The following GVQW3 variants were observed in gnomAD, a reference collection of about 807,000 sequenced individuals.
GVQW3 encodes the protein protein GVQW3.
In GVQW3, 7 loss-of-function variants were observed where a neutral mutation model predicts 12.5. That is an observed-to-expected ratio of 0.56 (90% CI 0.32 to 1.05). The LOEUF is 1.05. Among genes scored for constraint, GVQW3 ranks in the 50% least tolerant of loss-of-function variants. GVQW3 has a pLI of 0.04. For synonymous variants in GVQW3, 71 were observed against 67.2 expected, an observed-to-expected ratio of 1.06 and a Z score of -0.28; for missense variants, 188 against 190.8, an observed-to-expected ratio of 0.99 and a Z score of 0.09.
intron 1 of GVQW3, among the ~76,000 whole-genome samples, chr11:76,398,457 G>C (rs577816668): frequency 6.6e-6 from 1 of 152,068 alleles, no homozygotes; most frequent in Non-Finnish European, 1.5e-5. Context: ...GACTACAGGT[G>C]CATGCCACCA....
Position 76,382,197 on chromosome 11 carries a change from G to A in GVQW3, c.369G>A (p.Ser123=). Residue 123 remains serine, a synonymous_variant, in exon 1 of 2, where the codon TCG becomes TCA. Transcript: ENST00000529331. ...NMRKISAKVI[S]GVLKGEPKPR... ...GGAAGATTTCTGCAAAAGTTATTTCGGGTGTTTTGAAGGGTGAGCCTAAAC... is the reference window on the plus strand; with the variant it reads ...GGAAGATTTCTGCAAAAGTTATTTCAGGTGTTTTGAAGGGTGAGCCTAAAC... 1 of 1,536,104 alleles carries A rather than the reference G, an allele frequency of 6.5e-7. No homozygotes were observed. The highest frequency in any genetic ancestry group is 2.0e-5 in the Admixed American group (1 of 51,000).
At chr11:76,399,040 C>T (rs1946964181) in intron 1 of GVQW3, among the ~76,000 whole-genome samples, 1 of 152,146 alleles carries the variant, frequency 6.6e-6, no homozygotes, top group Non-Finnish European at 1.5e-5. Flanking sequence ...TCACTGCAGA[C>T]TTTTATATTT....
intron 1 of GVQW3, among the ~76,000 whole-genome samples, chr11:76,400,027 A>ACACACACACG (rs1479860119): frequency 1.3e-5 from 2 of 150,750 alleles, no homozygotes; most frequent in Non-Finnish European, 3.0e-5. Context: ...ACACACACAC[A>ACACACACACG]CACACACACA....
In GVQW3 at chr11:76,382,273, A is replaced by G; in HGVS notation, c.445A>G (p.Ser149Gly). Residue 149 changes from serine (S) to glycine (G), a missense_variant, in exon 1 of 2, where the codon AGC (serine) becomes GGC (glycine). Ser to Gly is a moderately conservative substitution (Grantham distance 56). Transcript: ENST00000529331. ...TCTTTCAAAGGAAACTAGGAAAAAT[A>G]GCTCATGTTTGAGGAAAAAGGTAAC... ...SDLSKETRKN[S>G]SCLRKKRRNL... 6.5e-7 allele frequency: 1 copy of G among 1,529,618 alleles called. No individual in the cohort carries two copies. Among genetic ancestry groups the G allele is most frequent in the East Asian group, 2.4e-5 (1 of 40,888 alleles). The allele number at this position is 1,529,618 out of a possible 1,614,324, so 94.8% of individuals were successfully genotyped here. A position where few individuals can be genotyped will look rare whatever the true frequency, so the allele number is the denominator to read the frequency against.
At chr11:76,388,471 T>C (rs1946858790) in intron 1 of GVQW3, among the ~76,000 whole-genome samples, 1 of 152,106 alleles carries the variant, frequency 6.6e-6, no homozygotes, top group Admixed American at 6.6e-5. Context: ...ATTACAAAAT[T>C]GTCTGATCCA....
At chr11:76,408,875 G>A (rs1011541739), downstream of GVQW3, among the ~76,000 whole-genome samples, 13 of 152,146 alleles carry the variant, frequency 8.5e-5, no homozygotes, top group Admixed American at 3.3e-4. Context: ...TGATTTGTAC[G>A]GGAGAAATTC....
intron 1 of GVQW3, among the ~76,000 whole-genome samples, chr11:76,394,253 G>A (rs527612159): frequency 6.6e-6 from 1 of 152,218 alleles, no homozygotes; most frequent in Non-Finnish European, 1.5e-5. Context: ...TCACCCTGCT[G>A]TGCTATCAAA....
At chr11:76,393,124 A>G (rs1946908268) in intron 1 of GVQW3, among the ~76,000 whole-genome samples, 1 of 152,270 alleles carries the variant, frequency 6.6e-6, no homozygotes, top group Non-Finnish European at 1.5e-5. Context: ...CAAGAAGCCC[A>G]AGGAAAAGGG....
intron 1 of GVQW3, among the ~76,000 whole-genome samples, chr11:76,395,709 A>G (rs752531599): frequency 1.3e-5 from 2 of 152,184 alleles, no homozygotes; most frequent in African/African-American, 4.8e-5. Context: ...GATATCTTCC[A>G]TGTCTCTACT....
chr11:76,382,322 TC>T, intron 1 of GVQW3, 29 bp downstream of exon 1: 2 of 1,385,866 alleles, frequency 1.4e-6, no homozygotes, highest in Non-Finnish European at 2.0e-6. Context: ...TGGAGTTATC[TC>T]CAGGGTGAAG....
At chr11:76,401,979 T>C (rs1307251856) in intron 1 of GVQW3, among the ~76,000 whole-genome samples, 1 of 152,128 alleles carries the variant, frequency 6.6e-6, no homozygotes. Context: ...AACGCCAGGA[T>C]ACAGCTTTTC....
In GVQW3 at chr11:76,381,650, A is replaced by C; in HGVS notation, c.-179A>C. 1.7e-6 allele frequency: 1 copy of C among 598,010 alleles called. No individual in the cohort carries two copies. Among genetic ancestry groups the C allele is most frequent in the Non-Finnish European group, 2.8e-6 (1 of 353,292 alleles). The allele number at this position is 598,010 out of a possible 1,614,324, so 37.0% of individuals were successfully genotyped here. ...TTGGCTTCCCAGAACGGATCTCCCC[A>C]GCCTCGACTGGAAGCTGAGGGACAA... On this transcript the variant is annotated 5_prime_UTR_variant, in exon 1 of 2. Transcript: ENST00000529331.
At chr11:76,393,458 C>T (rs1946911404) in intron 1 of GVQW3, among the ~76,000 whole-genome samples, 1 of 152,186 alleles carries the variant, frequency 6.6e-6, no homozygotes, top group African/African-American at 2.4e-5. Context: ...TGAAGACCAT[C>T]CCCTACACTG....
chr11:76,407,327 C>T lies in GVQW3; in HGVS notation c.*3569C>T, dbSNP rs987784677. 2.6e-5 allele frequency: 4 copies of T among 152,082 alleles called. No individual in the cohort carries two copies. The highest frequency in any genetic ancestry group is 6.6e-5 in the Admixed American group (1 of 15,264). The allele number at this position is 152,082 out of a possible 1,614,324, so 9.4% of individuals were successfully genotyped here. A position where few individuals can be genotyped will look rare whatever the true frequency, so the allele number is the denominator to read the frequency against. On this transcript the variant is annotated 3_prime_UTR_variant, in exon 2 of 2. Transcript: ENST00000529331. ...GGTCACAGTGGTTCACGCCTGTAAT[C>T]CCAATACTTTGGGAGGCCGAGGTGG...
Position 76,403,932 on chromosome 11 carries a change from A to G in GVQW3, c.*174A>G. The G allele has an allele frequency of 1.4e-6, 1 of 701,906 alleles. No homozygotes were observed. The highest frequency in any genetic ancestry group is 1.5e-5 in the South Asian group (1 of 67,488). 43.5% of individuals were successfully genotyped at this position (701,906 alleles called of 1,614,324 possible). A position where few individuals can be genotyped will look rare whatever the true frequency, so the allele number is the denominator to read the frequency against. On this transcript the variant is annotated 3_prime_UTR_variant, in exon 2 of 2. Coordinates refer to ENST00000529331, the MANE Select transcript of GVQW3 (RefSeq NM_001347885.2). Reference sequence around the variant, plus strand: ...TTTTGTTCTATTCAGGTCCTCAATGAATTGGATGATGTCCATGCACATTAG... The same window carrying G: ...TTTTGTTCTATTCAGGTCCTCAATGGATTGGATGATGTCCATGCACATTAG...
chr11:76,394,456 C>T (rs986963948), intron 1 of GVQW3, among the ~76,000 whole-genome samples: 1 of 152,098 alleles, frequency 6.6e-6, no homozygotes, highest in Admixed American at 6.6e-5. Flanking sequence ...TCTTTCTGTG[C>T]TTGGCTTATT....
downstream of GVQW3, chr11:76,413,034 C>T (rs571000952): frequency 5.3e-5 from 8 of 152,230 alleles, no homozygotes; most frequent in South Asian, 6.2e-4. Context: ...TCTTTCGTTG[C>T]GAATTTTTTT....
downstream of GVQW3, chr11:76,411,722 C>T (rs1344319269): frequency 2.6e-5 from 4 of 152,154 alleles, no homozygotes; most frequent in African/African-American, 9.7e-5. Context: ...GTTTGAGTCC[C>T]AGCCCTACTT....
chr11:76,387,783 C>T (rs1389270421), intron 1 of GVQW3, among the ~76,000 whole-genome samples: 1 of 152,098 alleles, frequency 6.6e-6, no homozygotes, highest in Non-Finnish European at 1.5e-5. Context: ...ATTAGCCTGG[C>T]ATGGTGGCAC....
Sources: allele counts gnomAD v4.1 joint callset (sites outside exome capture counted in the v4.1 genomes callset), GRCh38; gene constraint gnomAD v4.1.1; transcripts MANE v1.5; gene names NCBI Gene and HGNC (gene_info 2026-07-23, HGNC 2026-07-21).